Variants in MROH2A observed in about 807,000 individuals in gnomAD.
MROH2A encodes maestro heat like repeat family member 2A.
A neutral mutation model predicts 200.4 loss-of-function variants in MROH2A; 174 were observed. The ratio of observed to expected loss-of-function variants is 0.87; its 90% CI spans 0.77 to 0.98. The LOEUF (loss-of-function observed/expected upper bound fraction) is 0.98, where lower values mean the gene tolerates loss of function less well. MROH2A is among the 50% of genes least tolerant of loss of function. MROH2A has a pLI of 0.00. For synonymous variants in MROH2A, 829 were observed against 840.4 expected, an observed-to-expected ratio of 0.99 and a Z score of 0.23; for missense variants, 2,045 against 2,139.6, an observed-to-expected ratio of 0.96 and a Z score of 0.87.
intron 19 of MROH2A, among the ~76,000 whole-genome samples, chr2:233,806,574 A>G (rs1190464520): frequency 6.6e-6 from 1 of 152,200 alleles, no homozygotes; most frequent in Non-Finnish European, 1.5e-5. Context: ...AAAATCAAAG[A>G]AACACATCAC....
At chr2:233,799,716 C>A in intron 12 of MROH2A, 64 bp from the exon 13 acceptor site, 1 of 1,542,598 alleles carries the variant, frequency 6.5e-7, no homozygotes, top group South Asian at 1.2e-5. Flanking sequence ...CTCTCTATGT[C>A]ACAGGATTGG....
intron 35 of MROH2A, among the ~76,000 whole-genome samples, chr2:233,825,468 T>C (rs898144889): frequency 6.6e-6 from 1 of 152,246 alleles, no homozygotes; most frequent in African/African-American, 2.4e-5. Context: ...TTGTCATAAA[T>C]GGCTCTTATT....
Position 233,799,727 on chromosome 2 carries a change from G to A in MROH2A, c.1330-53G>A. On this transcript the variant is annotated intron_variant, in intron 12 of 41. Transcript: ENST00000389758. ...CTAGCTCTCTATGTCACAGGATTGG[G>A]TGCCTTGGAGCCCACCCCAACCCCC... is the stretch of plus-strand genomic sequence containing the variant. 3 of 1,546,896 alleles carry A rather than the reference G, an allele frequency of 1.9e-6. No homozygotes were observed. In the East Asian group the frequency reaches 7.3e-5, roughly 38 times the overall value.
At position 233,833,124 on chromosome 2, in the gene MROH2A, G is replaced by GTGTTC; in HGVS notation, c.4904-12_4904-8dup. 6.5e-7 allele frequency: 1 copy of GTGTTC among 1,533,082 alleles called. No individual in the cohort carries two copies. Among genetic ancestry groups the GTGTTC allele is most frequent in the Non-Finnish European group, 8.8e-7 (1 of 1,140,478 alleles). The allele number at this position is 1,533,082 out of a possible 1,614,324, so 95.0% of individuals were successfully genotyped here. A position where few individuals can be genotyped will look rare whatever the true frequency, so the allele number is the denominator to read the frequency against. On this transcript the variant is annotated splice_polypyrimidine_tract_variant and intron_variant, in intron 41 of 41. Transcript: ENST00000389758. ...GGCGGGGCCTGAACCTTCCCTCTTT[G>GTGTTC]TGTTCTCTCTCAGCCCTCCAGGAAC...
At chr2:233,809,768 A>G (rs1703034462) in intron 22 of MROH2A, among the ~76,000 whole-genome samples, 1 of 106,108 alleles carries the variant, frequency 9.4e-6, no homozygotes. Flanking sequence ...TTATCATCAT[A>G]ACCATTTTTA....
At chr2:233,823,689 G>A (rs1559481129) in intron 35 of MROH2A, 25 bp downstream of exon 35, 2 of 1,546,180 alleles carry the variant, frequency 1.3e-6, no homozygotes. Flanking sequence ...CCGGGTGTGG[G>A]CGGGGTGCAA....
rs150580933 is a variant in MROH2A, at chr2:233,816,059, G to A, written c.2857-722G>A. On this transcript the variant is annotated intron_variant, in intron 26 of 41. Coordinates refer to ENST00000389758, the MANE Select transcript of MROH2A (RefSeq NM_001394639.1). ...TTCTCTGATGACATACTTAAATTCC[G>A]TATTTTAAATCCTTTTAAATTGACT... is the stretch of plus-strand genomic sequence containing the variant. 2.6e-5 allele frequency among the ~76,000 whole-genome samples: 4 copies of A among 152,150 alleles called. No individual in the cohort carries two copies. The East Asian group carries it at 5.8e-4, about 22-fold the overall frequency.
intron 6 of MROH2A, 102 bp downstream of exon 6, chr2:233,792,996 C>T: frequency 8.7e-7 from 1 of 1,155,382 alleles, no homozygotes; most frequent in Non-Finnish European, 1.2e-6. Context: ...AAGAGGTGCA[C>T]TGTTCACTTG....
chr2:233,833,365 T>C lies in MROH2A; in HGVS notation c.*106T>C, dbSNP rs952560933. 3 of 1,214,906 alleles carry C rather than the reference T, an allele frequency of 2.5e-6. No individual in the cohort carries two copies. The highest frequency in any genetic ancestry group is 3.3e-6 in the Non-Finnish European group (3 of 902,380). The allele number at this position is 1,214,906 out of a possible 1,614,324, so 75.3% of individuals were successfully genotyped here. ...TTGTAGGAAAAACACTATTGTAAAA[T>C]AACTAGTATCCTTTTGTTTCCTTCC... On this transcript the variant is annotated 3_prime_UTR_variant, in exon 42 of 42. Transcript: ENST00000389758.
chr2:233,824,891 T>C (rs911913601), intron 35 of MROH2A, among the ~76,000 whole-genome samples: 2 of 152,236 alleles, frequency 1.3e-5, no homozygotes, highest in Non-Finnish European at 2.9e-5. Context: ...GGGAATAGCA[T>C]TGAATCTATA....
At position 233,798,812 on chromosome 2, in the gene MROH2A, C is replaced by G. The variant is rs941367297; in HGVS notation, c.1291C>G (p.Arg431Gly). The change falls in exon 12 of 42, where the codon CGG (arginine) becomes GGG (glycine). Residue 431 changes from arginine to glycine, a missense_variant. Transcript: ENST00000389758. ...MSIRAIYLAI[R>G]VVKNTISDTR... Reference sequence around the variant, plus strand: ...TATCAGGGCCATCTACCTGGCTATCCGGGTAGTCAAGAACACCATCTCTGA... The same window carrying G: ...TATCAGGGCCATCTACCTGGCTATCGGGGTAGTCAAGAACACCATCTCTGA... 1 of 1,550,412 alleles carries G rather than the reference C, an allele frequency of 6.4e-7. No individual in the cohort carries two copies. The highest frequency in any genetic ancestry group is 8.7e-7 in the Non-Finnish European group (1 of 1,146,944).
rs1227093106 is a variant in MROH2A at position 233,789,957 on chromosome 2, C to T, written c.514C>T (p.Leu172Phe). 3.2e-6 allele frequency: 5 copies of T among 1,550,400 alleles called. No individual in the cohort carries two copies. The highest frequency in any genetic ancestry group is 4.4e-6 in the Non-Finnish European group (5 of 1,146,940). The change falls in exon 5 of 42, where the codon CTC (leucine) becomes TTC (phenylalanine). Residue 172 changes from leucine to phenylalanine, a missense_variant. This residue lies in a region of MROH2A where 831 missense variants were observed against 800.0 expected (regional missense o/e 1.04). Transcript: ENST00000389758. ...CGAGCTGCAGCACCACCTCAAGCCCCTCAACCTCACTGATGAATTTGTCAT... is the reference window on the plus strand; with the variant it reads ...CGAGCTGCAGCACCACCTCAAGCCCTTCAACCTCACTGATGAATTTGTCAT... ...MYELQHHLKP[L>F]NLTDEFVIIT...
intron 22 of MROH2A, among the ~76,000 whole-genome samples, chr2:233,810,155 C>A (rs866395972): frequency 4.6e-5 from 7 of 152,210 alleles, no homozygotes; most frequent in Middle Eastern, 3.2e-3. Flanking sequence ...CCCTGAGCTG[C>A]TTTGCTGCCC....
chr2:233,787,456 T>TTA lies in MROH2A; in HGVS notation c.277-2030_277-2029dup, dbSNP rs10580249. Among the ~76,000 whole-genome samples the TTA allele has an allele frequency of 5.6e-5, 7 of 124,692 alleles. 1 individual carries two copies. Among genetic ancestry groups the TTA allele is most frequent in the Admixed American group, 1.9e-4 (2 of 10,588 alleles). 81.8% of individuals were successfully genotyped at this position (124,692 alleles called of 152,430 possible). A position where few individuals can be genotyped will look rare whatever the true frequency, so the allele number is the denominator to read the frequency against. ...ATATGTATATACATATACATATATA[T>TTA]TATATATATATACACATATACATAT... On this transcript the variant is annotated intron_variant, in intron 3 of 41. Transcript: ENST00000389758.
chr2:233,819,329 G>A lies in MROH2A; in HGVS notation c.3217G>A (p.Glu1073Lys), dbSNP rs766470502. Residue 1073 changes from glutamate (E) to lysine (K), a missense_variant, in exon 30 of 42, where the codon GAG becomes AAG. By Grantham distance (56) the Glu-to-Lys change is moderately conservative. Around this residue, in one of 3 missense-constraint regions of MROH2A, gnomAD observed 1,201 missense variants for 1,311.3 expected, o/e 0.92. Coordinates refer to ENST00000389758, the MANE Select transcript of MROH2A (RefSeq NM_001394639.1). The stretch of plus-strand genomic sequence containing the variant: ...GCTCTGCTCCTAGGTGGTCTGCATG[G>A]AGTTTAGCTGCGATGAGGTGGTCTC... ...SSRIAKVVCM[E>K]FSCDEVVSLI... 6.3e-5 allele frequency: 98 copies of A among 1,550,322 alleles called. 1 individual carries two copies. The South Asian group carries it at 9.2e-4, about 14-fold the overall frequency.
At chr2:233,819,243 G>A in intron 29 of MROH2A, 74 bp from the exon 30 acceptor site, 1 of 1,430,956 alleles carries the variant, frequency 7.0e-7, no homozygotes, top group Non-Finnish European at 9.5e-7. Context: ...CATGGGGTGG[G>A]ACAGGGGAGG....
intron 27 of MROH2A, among the ~76,000 whole-genome samples, chr2:233,817,444 A>T (rs1416399894): frequency 6.6e-6 from 1 of 152,100 alleles, no homozygotes; most frequent in African/African-American, 2.4e-5. Context: ...TGGGCTGGGC[A>T]GGAGGACCCT....
chr2:233,814,242 C>G (rs956020256), intron 25 of MROH2A, among the ~76,000 whole-genome samples: 1 of 152,134 alleles, frequency 6.6e-6, no homozygotes, highest in Non-Finnish European at 1.5e-5. Context: ...GCAAGGAGTC[C>G]TGGGAAATGT....
At chr2:233,798,720 C>A in intron 11 of MROH2A, 54 bp from the exon 12 acceptor site, 1 of 1,357,320 alleles carries the variant, frequency 7.4e-7, no homozygotes, top group Admixed American at 2.0e-5. Flanking sequence ...GGACGAGCCA[C>A]CTGACCTCTC....
Sources: allele counts gnomAD v4.1 joint callset (sites outside exome capture counted in the v4.1 genomes callset), GRCh38; gene constraint gnomAD v4.1.1; regional missense constraint gnomAD v4.1.1; transcripts MANE v1.5; gene names NCBI Gene and HGNC (gene_info 2026-07-23, HGNC 2026-07-21).